Variants in CILP2 observed in about 807,000 individuals in gnomAD.
CILP2 encodes cartilage intermediate layer protein 2.
A neutral mutation model predicts 45.6 loss-of-function variants in CILP2; 38 were observed. That is an observed-to-expected ratio of 0.83 (90% CI 0.64 to 1.09). CILP2 has a LOEUF of 1.09. Among genes scored for constraint, CILP2 ranks in the 50% least tolerant of loss-of-function variants. The pLI is 0.00. For missense variants in CILP2, 1,735 were observed against 1,662.2 expected (o/e 1.04, Z -0.76); for synonymous variants, 780 against 723.5 (o/e 1.08, Z -1.25).
chr19:19,544,355 G>A lies in CILP2; in HGVS notation c.1810G>A (p.Glu604Lys). The change falls in exon 8 of 8, where the codon GAG becomes AAG. Residue 604 changes from glutamate to lysine, a missense_variant. Coordinates refer to ENST00000291495, the MANE Select transcript of CILP2 (RefSeq NM_153221.2). The part of the protein sequence containing the change: ...ADGKPYSGPV[E>K]ARVTFVDPRD... ...CGGCAAACCCTACTCGGGGCCTGTG[G>A]AGGCCCGGGTGACGTTCGTGGACCC... 1 of 1,610,738 alleles carries A rather than the reference G, an allele frequency of 6.2e-7. No individual in the cohort carries two copies. Among genetic ancestry groups the A allele is most frequent in the South Asian group, 1.1e-5 (1 of 91,016 alleles).
At position 19,543,701 on chromosome 19, in the gene CILP2, G is replaced by C; in HGVS notation, c.1156G>C (p.Asp386His). The change falls in exon 8 of 8, where the codon GAC becomes CAC. Residue 386 changes from aspartate (D) to histidine (H), a missense_variant. Physicochemically the swap from Asp to His is moderately conservative, Grantham distance 81. Coordinates refer to ENST00000291495, the MANE Select transcript of CILP2 (RefSeq NM_153221.2). ...TVLAPGQPAC[D>H]PRPREYLIKL... is the part of the protein sequence containing the mutation. Reference sequence around the variant, plus strand: ...CCCAGCCCCAGGCCAGCCAGCCTGCGACCCCCGGCCCCGAGAGTACCTGAT... The same window carrying C: ...CCCAGCCCCAGGCCAGCCAGCCTGCCACCCCCGGCCCCGAGAGTACCTGAT... 1 of 1,596,126 alleles carries C rather than the reference G, an allele frequency of 6.3e-7. No homozygotes were observed. Among genetic ancestry groups the C allele is most frequent in the South Asian group, 1.1e-5 (1 of 89,364 alleles).
chr19:19,540,902 CTA>C, intron 3 of CILP2, 187 bp from the exon 4 acceptor site: 1 of 498,860 alleles, frequency 2.0e-6, no homozygotes, highest in Non-Finnish European at 3.2e-6. Flanking sequence ...GGTACCTAAA[CTA>C]TGTCTTCGAC....
chr19:19,544,982 C>G lies in CILP2; in HGVS notation c.2437C>G (p.Leu813Val), dbSNP rs755569428. The G allele has an allele frequency of 3.8e-6, 6 of 1,597,624 alleles. No individual in the cohort carries two copies. The East Asian group carries it at 1.3e-4, about 36-fold the overall frequency. ...CTACACCGCCCTGGTCACCGCCACC[C>G]TGGGCGGCGAGGAGCTGGAGCCGGC... ...DAYTALVTAT[L>V]GGEELEPAPS... is the part of the protein sequence containing the mutation. Residue 813 changes from leucine (L) to valine (V), a missense_variant, in exon 8 of 8, where the codon CTG (leucine) becomes GTG (valine). Physicochemically the swap from Leu to Val is conservative, Grantham distance 32 (BLOSUM62 1). Coordinates refer to ENST00000291495, the MANE Select transcript of CILP2 (RefSeq NM_153221.2).
chr19:19,540,319 G>T lies in CILP2; in HGVS notation c.279G>T (p.Pro93=). The T allele has an allele frequency of 6.3e-7, 1 of 1,578,812 alleles. No individual in the cohort carries two copies. Among genetic ancestry groups the T allele is most frequent in the Non-Finnish European group, 8.6e-7 (1 of 1,167,552 alleles). ...YYGPARVCPR[P]LALEARTTDW... ...GGCCAGCGCGCGTGTGCCCGCGACC[G>T]CTGGCGCTGGAAGCGCGCACCACGG... Residue 93 remains proline, a synonymous_variant, in exon 3 of 8, where the codon CCG becomes CCT. Coordinates refer to ENST00000291495, the MANE Select transcript of CILP2 (RefSeq NM_153221.2).
chr19:19,540,989 A>T (rs2061241398), intron 3 of CILP2, 102 bp from the exon 4 acceptor site: 11 of 1,073,130 alleles, frequency 1.0e-5, no homozygotes, highest in Non-Finnish European at 1.3e-5. Flanking sequence ...GGATGCACAT[A>T]TGTGAGGGGG....
rs577204756 is a variant in CILP2, at chr19:19,539,526, T to C, written c.65-153T>C. ...CTGCAGTGAGCCGAGATCGTGCCACTGCACTCCAGCCTGGGTGACAGAGGG... is the reference window on the plus strand; with the variant it reads ...CTGCAGTGAGCCGAGATCGTGCCACCGCACTCCAGCCTGGGTGACAGAGGG... On this transcript the variant is annotated intron_variant, in intron 1 of 7. Coordinates refer to ENST00000291495, the MANE Select transcript of CILP2 (RefSeq NM_153221.2). Among the ~76,000 whole-genome samples, 3 of 136,724 alleles carry C rather than the reference T, an allele frequency of 2.2e-5. No individual in the cohort carries two copies. The East Asian group carries it at 6.9e-4, about 31-fold the overall frequency. The allele number at this position is 136,724 out of a possible 152,430, so 89.7% of individuals were successfully genotyped here.
rs780018968 is a variant in CILP2 at position 19,544,631 on chromosome 19, G to A, written c.2086G>A (p.Gly696Ser). The A allele has an allele frequency of 2.6e-6, 4 of 1,552,344 alleles. No homozygotes were observed. Among genetic ancestry groups the A allele is most frequent in the African/African-American group, 2.7e-5 (2 of 73,804 alleles). The change falls in exon 8 of 8, where the codon GGC becomes AGC. Residue 696 changes from glycine to serine, a missense_variant. Coordinates refer to ENST00000291495, the MANE Select transcript of CILP2 (RefSeq NM_153221.2). The stretch of plus-strand genomic sequence containing the variant: ...GACCGGCTTGTGGGAGGAGGAGAGC[G>A]GCTTCCGGCGCGAGGGGTCCTCGGG... ...PETGLWEEESGFRREGSSGPR... is the reference protein window; with the variant it reads ...PETGLWEEESSFRREGSSGPR...
At chr19:19,538,843 C>A (rs1355194172) in intron 1 of CILP2, among the ~76,000 whole-genome samples, 2 of 152,230 alleles carry the variant, frequency 1.3e-5, no homozygotes, top group Non-Finnish European at 2.9e-5. Context: ...AAGGAAGGGG[C>A]TTGTCTGACC....
rs1206987109 is a variant in CILP2 at position 19,544,994 on chromosome 19, G to C, written c.2449G>C (p.Glu817Gln). The C allele has an allele frequency of 2.5e-6, 4 of 1,600,338 alleles. No individual in the cohort carries two copies. The highest frequency in any genetic ancestry group is 1.7e-5 in the Admixed American group (1 of 59,644). ...GGTCACCGCCACCCTGGGCGGCGAG[G>C]AGCTGGAGCCGGCCCCTTCCTTGCC... ...ALVTATLGGE[E>Q]LEPAPSLPRP... is the part of the protein sequence containing the mutation. Residue 817 changes from glutamate (E) to glutamine (Q), a missense_variant, in exon 8 of 8, where the codon GAG becomes CAG. Physicochemically the swap from Glu to Gln is conservative, Grantham distance 29. Coordinates refer to ENST00000291495, the MANE Select transcript of CILP2 (RefSeq NM_153221.2).
Position 19,544,528 on chromosome 19 carries a change from G to C in CILP2, c.1983G>C (p.Val661=), listed in dbSNP as rs1304714210. The C allele has an allele frequency of 6.3e-7, 1 of 1,590,220 alleles. No individual in the cohort carries two copies. Among genetic ancestry groups the C allele is most frequent in the Non-Finnish European group, 8.5e-7 (1 of 1,173,634 alleles). Residue 661 remains valine, a synonymous_variant, in exon 8 of 8, where the codon GTG becomes GTC. Transcript: ENST00000291495. ...GSAEQLQVGP[V]AVRVAASQIH... is the part of the protein sequence containing the mutation. ...CGGAGCAGCTGCAGGTGGGGCCGGT[G>C]GCCGTGCGGGTGGCCGCCAGCCAGA...
chr19:19,541,231 CG>C lies in CILP2; in HGVS notation c.579del (p.Pro194LeufsTer31), dbSNP rs1412058731. On this transcript the variant is annotated frameshift_variant, in exon 4 of 8. Transcript: ENST00000291495. LOFTEE classifies it high-confidence loss of function. ...TCCTCTGGAGGCGCAGAAGTGCGTG[CG>C]GCCTCGGTGTCCAGGTAGGAGGGGC... Reference protein sequence around the residue: ...GRPLEAQKCVRPRCPGCSLDT... With the variant: ...GRPLEAQKCVXPRCPGCSLDT... 3 of 1,284,616 alleles carry C rather than the reference CG, an allele frequency of 2.3e-6. No homozygotes were observed. The highest frequency in any genetic ancestry group is 3.0e-6 in the Non-Finnish European group (3 of 1,014,742). The allele number at this position is 1,284,616 out of a possible 1,614,324, so 79.6% of individuals were successfully genotyped here. A position where few individuals can be genotyped will look rare whatever the true frequency, so the allele number is the denominator to read the frequency against.
In CILP2 at chr19:19,543,866, C is replaced by T. The variant is rs201816688; in HGVS notation, c.1321C>T (p.Arg441Cys). The T allele has an allele frequency of 1.2e-6, 2 of 1,613,898 alleles. No homozygotes were observed. The highest frequency in any genetic ancestry group is 1.3e-5 in the African/African-American group (1 of 75,074). Residue 441 changes from arginine to cysteine, a missense_variant, in exon 8 of 8, where the codon CGC (arginine) becomes TGC (cysteine). Transcript: ENST00000291495. The stretch of plus-strand genomic sequence containing the variant: ...CGCCAGCTCCCGCTGCTGCTCTGTG[C>T]GCCGTCTGGAGAGAAGGGAGATTCA... ...GDASSRCCSV[R>C]RLERREIHCP...
rs1302961723 is a variant in CILP2 at position 19,544,640 on chromosome 19, C to T, written c.2095C>T (p.Arg699Cys). The T allele has an allele frequency of 4.5e-6, 7 of 1,547,888 alleles. No homozygotes were observed. The highest frequency in any genetic ancestry group is 1.2e-5 in the South Asian group (1 of 82,868). The change falls in exon 8 of 8, where the codon CGC (arginine) becomes TGC (cysteine). Residue 699 changes from arginine (R) to cysteine (C), a missense_variant. Coordinates refer to ENST00000291495, the MANE Select transcript of CILP2 (RefSeq NM_153221.2). ...GLWEEESGFR[R>C]EGSSGPRVRR... ...GTGGGAGGAGGAGAGCGGCTTCCGG[C>T]GCGAGGGGTCCTCGGGCCCCCGGGT...
At chr19:19,542,751 T>C in intron 5 of CILP2, 101 bp downstream of exon 5, 19 of 1,584,902 alleles carry the variant, frequency 1.2e-5, no homozygotes, top group Non-Finnish European at 1.6e-5. Flanking sequence ...GACACAGTCA[T>C]TGGCGAAGGC....
At chr19:19,541,318 G>A in intron 4 of CILP2, 72 bp downstream of exon 4, 1 of 1,212,442 alleles carries the variant, frequency 8.2e-7, no homozygotes, top group Non-Finnish European at 1.0e-6. Context: ...GCTGAGCCTG[G>A]GAGAGAGGGT....
intron 1 of CILP2, 116 bp from the exon 2 acceptor site, chr19:19,539,563 C>CAAAAA (rs34962863): frequency 1.3e-4 from 51 of 392,174 alleles, no homozygotes; most frequent in South Asian, 5.1e-4. Flanking sequence ...GATTCCGTCT[C>CAAAAA]AAAAAAAAAA....
At chr19:19,539,021 G>A (rs2061232853) in intron 1 of CILP2, among the ~76,000 whole-genome samples, 1 of 152,378 alleles carries the variant, frequency 6.6e-6, no homozygotes, top group African/African-American at 2.4e-5. Context: ...TGAGGGCAGA[G>A]GCACAGCCAG....
At chr19:19,542,761 C>A in intron 5 of CILP2, 103 bp from the exon 6 acceptor site, 1 of 1,578,850 alleles carries the variant, frequency 6.3e-7, no homozygotes, top group Non-Finnish European at 8.7e-7. Flanking sequence ...TTGGCGAAGG[C>A]ACAGAGTGAG....
chr19:19,540,454 C>G lies in CILP2; in HGVS notation c.414C>G (p.His138Gln). The change falls in exon 3 of 8, where the codon CAC (histidine) becomes CAG (glutamine). Residue 138 changes from histidine (H) to glutamine (Q), a missense_variant. Coordinates refer to ENST00000291495, the MANE Select transcript of CILP2 (RefSeq NM_153221.2). The part of the protein sequence containing the change: ...QPRGRRCSNY[H>Q]VRFRCPLEAS... ...GTGGCCGCCGCTGCTCCAACTACCA[C>G]GTGCGCTTCCGCTGCCCACTAGGTG... is the stretch of plus-strand genomic sequence containing the variant. 2.2e-6 allele frequency: 3 copies of G among 1,387,074 alleles called. No homozygotes were observed. The highest frequency in any genetic ancestry group is 2.8e-6 in the Non-Finnish European group (3 of 1,066,186). 85.9% of individuals were successfully genotyped at this position (1,387,074 alleles called of 1,614,324 possible).
Sources: allele counts gnomAD v4.1 joint callset (sites outside exome capture counted in the v4.1 genomes callset), GRCh38; gene constraint gnomAD v4.1.1; transcripts MANE v1.5; gene names NCBI Gene and HGNC (gene_info 2026-07-23, HGNC 2026-07-21).